Variants in TOP1 observed in about 807,000 individuals in gnomAD.
TOP1 encodes DNA topoisomerase I.
A neutral mutation model predicts 111.1 loss-of-function variants in TOP1; 10 were observed. The observed-to-expected ratio is 0.09, with a 90% confidence interval of 0.06 to 0.15. TOP1 has a LOEUF of 0.15. Ranked by LOEUF, TOP1 falls within the 10% of genes least tolerant of loss-of-function variation. The pLI is 1.00. For synonymous variants in TOP1, 271 were observed against 302.9 expected (o/e 0.89, Z 1.10); for missense variants, 474 against 926.7 (o/e 0.51, Z 6.34).
At chr20:41,068,066 T>A (rs1326237790) in intron 3 of TOP1, among the ~76,000 whole-genome samples, 1 of 152,176 alleles carries the variant, frequency 6.6e-6, no homozygotes, top group Admixed American at 6.5e-5. Context: ...GAAAAATACC[T>A]CCCTGTGTAA....
At position 41,102,435 on chromosome 20, in the gene TOP1, C is replaced by T. The variant is rs1244683042; in HGVS notation, c.1308+1082C>T. 6.6e-6 allele frequency among the ~76,000 whole-genome samples: 1 copy of T among 152,112 alleles called. No individual in the cohort carries two copies. The highest frequency in any genetic ancestry group is 1.5e-5 in the Non-Finnish European group (1 of 68,022). ...GACCAGCCTGGACAACATGGCGAAA[C>T]CCTGTCTCTACTAAAAATACAAAAA... On this transcript the variant is annotated intron_variant, in intron 13 of 20. Coordinates refer to ENST00000361337, the MANE Select transcript of TOP1 (RefSeq NM_003286.4). This position sits in a 1 kb window ranked among gnomAD's most constrained non-coding sequence, Gnocchi z 4.0.
rs530734116 is a variant in TOP1, at chr20:41,104,254, T to C, written c.1308+2901T>C. On this transcript the variant is annotated intron_variant, in intron 13 of 20. Transcript: ENST00000361337. ...AAAGAGGGAAATGACACCAGATTTG[T>C]ATTTTGGAAACTCGTTACATAATTG... Among the ~76,000 whole-genome samples, 26 of 152,322 alleles carry C rather than the reference T, an allele frequency of 1.7e-4. No individual in the cohort carries two copies. In the South Asian group the frequency reaches 4.1e-3, roughly 24 times the overall value.
At chr20:41,119,896 C>T (rs886072747) in intron 18 of TOP1, among the ~76,000 whole-genome samples, 3 of 152,202 alleles carry the variant, frequency 2.0e-5, no homozygotes, top group African/African-American at 7.2e-5. Context: ...CATTACAAGC[C>T]AGAAATAAAA....
rs2033506244 is a variant in TOP1 at position 41,058,785 on chromosome 20, T to C, written c.59-2609T>C. 6.6e-6 allele frequency among the ~76,000 whole-genome samples: 1 copy of C among 152,076 alleles called. No homozygotes were observed. Among genetic ancestry groups the C allele is most frequent in the Non-Finnish European group, 1.5e-5 (1 of 68,020 alleles). On this transcript the variant is annotated intron_variant, in intron 2 of 20. Transcript: ENST00000361337. This position sits in a 1 kb window ranked among gnomAD's most constrained non-coding sequence, Gnocchi z 4.2. ...AGATTGTGTTTGTGTAAGGTTAGAA[T>C]AGAGGGTCCGGAAATAGACCTATAA...
At position 41,098,535 on chromosome 20, in the gene TOP1, G is replaced by A. The variant is rs1241836590; in HGVS notation, c.975+198G>A. The A allele has an allele frequency of 9.1e-6, 5 of 552,308 alleles. No individual in the cohort carries two copies. Among genetic ancestry groups the A allele is most frequent in the Non-Finnish European group, 1.5e-5 (5 of 323,074 alleles). The allele number at this position is 552,308 out of a possible 1,614,324, so 34.2% of individuals were successfully genotyped here. A position where few individuals can be genotyped will look rare whatever the true frequency, so the allele number is the denominator to read the frequency against. ...AAATTGTGAACAAGTACTTTGCTCA[G>A]TAGCTCTGTACAGGAATCTTGGTGC... is the stretch of plus-strand genomic sequence containing the variant. On this transcript the variant is annotated intron_variant, in intron 11 of 20. Coordinates refer to ENST00000361337, the MANE Select transcript of TOP1 (RefSeq NM_003286.4). The surrounding 1 kb of genome is among the most constrained non-coding windows in gnomAD (Gnocchi z 5.7).
intron 3 of TOP1, among the ~76,000 whole-genome samples, chr20:41,063,205 T>C (rs2033566790): frequency 6.6e-6 from 1 of 152,248 alleles, no homozygotes; most frequent in African/African-American, 2.4e-5. Flanking sequence ...TATTCTGTTC[T>C]TGCCTTAATT....
chr20:41,080,494 T>A lies in TOP1; in HGVS notation c.431+314T>A, dbSNP rs2033776633. 6.6e-6 allele frequency among the ~76,000 whole-genome samples: 1 copy of A among 152,222 alleles called. No individual in the cohort carries two copies. Among genetic ancestry groups the A allele is most frequent in the African/African-American group, 2.4e-5 (1 of 41,464 alleles). ...ATTTAAGTTACTTAAAATTTCTTAT[T>A]GCCTACCACAGATAACTTAAAGCAG... On this transcript the variant is annotated intron_variant, in intron 6 of 20. Transcript: ENST00000361337. The surrounding 1 kb of genome is among the most constrained non-coding windows in gnomAD (Gnocchi z 5.0).
intron 2 of TOP1, among the ~76,000 whole-genome samples, chr20:41,033,692 T>C (rs2033150428): frequency 6.6e-6 from 1 of 152,248 alleles, no homozygotes; most frequent in African/African-American, 2.4e-5. Context: ...CAGATTATAC[T>C]AAAACCATGT....
chr20:41,080,060 G>T lies in TOP1; in HGVS notation c.336-25G>T. 6 of 1,444,360 alleles carry T rather than the reference G, an allele frequency of 4.2e-6. No individual in the cohort carries two copies. Among genetic ancestry groups the T allele is most frequent in the South Asian group, 2.4e-5 (2 of 84,966 alleles). 89.5% of individuals were successfully genotyped at this position (1,444,360 alleles called of 1,614,324 possible). ...TAGAATACAGATGTTCTAGCACTCT[G>T]ACCAGCAATTTTTTTTCTCTTTAGT... On this transcript the variant is annotated intron_variant, in intron 5 of 20. Coordinates refer to ENST00000361337, the MANE Select transcript of TOP1 (RefSeq NM_003286.4). The surrounding 1 kb of genome is among the most constrained non-coding windows in gnomAD (Gnocchi z 5.0).
In TOP1 at chr20:41,092,372, A is replaced by G. The variant is rs2033930484; in HGVS notation, c.615-100A>G. ...TGAGGCCCAGAAGTCATTCCAGAGC[A>G]CTAATCAGTTGAGCGGATAATTATT... On this transcript the variant is annotated intron_variant, in intron 8 of 20. Coordinates refer to ENST00000361337, the MANE Select transcript of TOP1 (RefSeq NM_003286.4). The surrounding 1 kb of genome is among the most constrained non-coding windows in gnomAD (Gnocchi z 4.3). 1.8e-6 allele frequency: 1 copy of G among 553,450 alleles called. No individual in the cohort carries two copies. Among genetic ancestry groups the G allele is most frequent in the Non-Finnish European group, 3.2e-6 (1 of 310,500 alleles). 34.3% of individuals were successfully genotyped at this position (553,450 alleles called of 1,614,324 possible). A position where few individuals can be genotyped will look rare whatever the true frequency, so the allele number is the denominator to read the frequency against.
intron 2 of TOP1, among the ~76,000 whole-genome samples, chr20:41,031,308 GGAA>G (rs1309912806): frequency 1.3e-5 from 2 of 152,212 alleles, no homozygotes; most frequent in African/African-American, 2.4e-5. Context: ...CCTTGCTAGA[GGAA>G]GGTGGGATCT....
At position 41,100,193 on chromosome 20, in the gene TOP1, C is replaced by T. The variant is rs899601991; in HGVS notation, c.1113C>T (p.Gly371=). 11 of 1,613,922 alleles carry T rather than the reference C, an allele frequency of 6.8e-6. No individual in the cohort carries two copies. Among genetic ancestry groups the T allele is most frequent in the Non-Finnish European group, 4.2e-6 (5 of 1,179,938 alleles). ...GCCGCGGCAACCACCCCAAGATGGG[C>T]ATGCTGAAGAGACGAATCATGCCCG... The part of the protein sequence containing the change: ...FRGRGNHPKM[G]MLKRRIMPED... The change falls in exon 12 of 21, where the codon GGC becomes GGT. Residue 371 remains glycine (G), a synonymous_variant. Coordinates refer to ENST00000361337, the MANE Select transcript of TOP1 (RefSeq NM_003286.4). The surrounding 1 kb of genome is among the most constrained non-coding windows in gnomAD (Gnocchi z 4.4).
At chr20:41,072,667 G>T in intron 3 of TOP1, 1 of 985,434 alleles carries the variant, frequency 1.0e-6, no homozygotes, top group Non-Finnish European at 1.2e-6. Context: ...GGTTATGGAT[G>T]CCAGGTTGGG....
intron 7 of TOP1, 137 bp downstream of exon 7, chr20:41,081,377 G>T: frequency 9.6e-7 from 1 of 1,038,790 alleles, no homozygotes; most frequent in Non-Finnish European, 1.3e-6. Flanking sequence ...TTAATAAGTG[G>T]TGGCTGTGGC....
chr20:41,038,581 G>A (rs1407811262), intron 2 of TOP1, among the ~76,000 whole-genome samples: 3 of 152,174 alleles, frequency 2.0e-5, no homozygotes, highest in African/African-American at 7.2e-5. Flanking sequence ...AGAAAGGCTG[G>A]CTCAGGAGGG....
chr20:41,036,326 G>A (rs189171148), intron 2 of TOP1, among the ~76,000 whole-genome samples: 9 of 152,278 alleles, frequency 5.9e-5, no homozygotes, highest in African/African-American at 2.2e-4. Context: ...GAGTGGGGGT[G>A]TGAGGAGACA....
chr20:41,082,824 G>T lies in TOP1; in HGVS notation c.507+1584G>T, dbSNP rs1214968925. Reference sequence around the variant, plus strand: ...TAGTCAGTAAAGGAATATAAAACTTGAGTTCTCCAAGTGTTTTTTTTTTAT... The same window carrying T: ...TAGTCAGTAAAGGAATATAAAACTTTAGTTCTCCAAGTGTTTTTTTTTTAT... On this transcript the variant is annotated intron_variant, in intron 7 of 20. Coordinates refer to ENST00000361337, the MANE Select transcript of TOP1 (RefSeq NM_003286.4). The surrounding 1 kb of genome is among the most constrained non-coding windows in gnomAD (Gnocchi z 4.1). 3.6e-5 allele frequency among the ~76,000 whole-genome samples: 4 copies of T among 111,352 alleles called. No individual in the cohort carries two copies. The highest frequency in any genetic ancestry group is 1.4e-4 in the African/African-American group (4 of 28,188). 73.1% of individuals were successfully genotyped at this position (111,352 alleles called of 152,430 possible).
intron 2 of TOP1, among the ~76,000 whole-genome samples, chr20:41,031,087 G>T (rs1036478791): frequency 6.6e-6 from 1 of 152,178 alleles, no homozygotes; most frequent in Admixed American, 6.5e-5. Context: ...CTCAGAGGAG[G>T]TGACTTCTGA....
At position 41,118,326 on chromosome 20, in the gene TOP1, T is replaced by C; in HGVS notation, c.1950+30T>C. 6.2e-7 allele frequency: 1 copy of C among 1,612,360 alleles called. No homozygotes were observed. The highest frequency in any genetic ancestry group is 8.5e-7 in the Non-Finnish European group (1 of 1,178,664). ...CTTGGATAAAATGAAGGGAACTGTG[T>C]CTGCTGTGGGCAGATTATCTGCGAA... is the stretch of plus-strand genomic sequence containing the variant. On this transcript the variant is annotated intron_variant, in intron 18 of 20. Transcript: ENST00000361337. The surrounding 1 kb of genome is among the most constrained non-coding windows in gnomAD (Gnocchi z 4.6).
Sources: gnomAD v4.1 joint callset for allele counts (sites outside exome capture counted in the v4.1 genomes callset) on GRCh38, gnomAD v4.1.1 for gene constraint, Gnocchi (gnomAD v3.1) non-coding constraint, MANE v1.5 for transcripts, NCBI Gene and HGNC (gene_info 2026-07-23, HGNC 2026-07-21) for gene names.